The following RAD23B variants were observed in gnomAD, a reference collection of about 807,000 sequenced individuals.
The protein encoded by RAD23B is lysine-specific demethylase RAD23B.
In RAD23B, 5 loss-of-function variants were observed where a neutral mutation model predicts 49.1. The ratio of observed to expected loss-of-function variants is 0.10; its 90% CI spans 0.05 to 0.21. RAD23B has a LOEUF of 0.21. Ranked by LOEUF, RAD23B falls within the 10% of genes least tolerant of loss-of-function variation. The probability of loss-of-function intolerance (pLI) is 1.00; values close to 1 mark genes in which losing one functional copy is unlikely to be tolerated. For synonymous variants in RAD23B, 184 were observed against 165.4 expected (o/e 1.11, Z -0.86); for missense variants, 356 against 486.7 (o/e 0.73, Z 2.53).
rs1428115561 is a variant in RAD23B at position 107,329,713 on chromosome 9, T to C, written c.*57T>C. On this transcript the variant is annotated 3_prime_UTR_variant, in exon 10 of 10. Coordinates refer to ENST00000358015, the MANE Select transcript of RAD23B (RefSeq NM_002874.5). ...CAGTGCATTACACTAACTTGTTCAC[T>C]GGATTGTCTGGGATGACTTGGGCTC... The C allele has an allele frequency of 8.6e-7, 1 of 1,156,656 alleles. No homozygotes were observed. The highest frequency in any genetic ancestry group is 1.3e-5 in the South Asian group (1 of 78,756). The allele number at this position is 1,156,656 out of a possible 1,614,324, so 71.6% of individuals were successfully genotyped here. A position where few individuals can be genotyped will look rare whatever the true frequency, so the allele number is the denominator to read the frequency against.
rs185997186 is a variant in RAD23B at position 107,312,983 on chromosome 9, C to T, written c.553+1246C>T. Among the ~76,000 whole-genome samples the T allele has an allele frequency of 1.6e-3, 237 of 152,294 alleles. 2 individuals are homozygous for T. Among genetic ancestry groups the T allele is most frequent in the African/African-American group, 5.6e-3 (231 of 41,572 alleles). On this transcript the variant is annotated intron_variant, in intron 5 of 9. Coordinates refer to ENST00000358015, the MANE Select transcript of RAD23B (RefSeq NM_002874.5). ...GTCTTCCCATTCTCAGCTTTATGGT[C>T]TCGGGATCCCTCTACATTTTCATCT...
chr9:107,306,509 C>T lies in RAD23B; in HGVS notation c.359C>T (p.Thr120Ile). 1 of 1,614,178 alleles carries T rather than the reference C, an allele frequency of 6.2e-7. No individual in the cohort carries two copies. Among genetic ancestry groups the T allele is most frequent in the Non-Finnish European group, 8.5e-7 (1 of 1,180,032 alleles). The stretch of plus-strand genomic sequence containing the variant: ...ACCCCTGTCCCTGCCTTGGCCCCCA[C>T]TTCCACACCTGCATCCATCACTCCA... Reference protein sequence around the residue: ...APTPVPALAPTSTPASITPAS... With the variant: ...APTPVPALAPISTPASITPAS... Residue 120 changes from threonine (T) to isoleucine (I), a missense_variant, in exon 4 of 10, where the codon ACT (threonine) becomes ATT (isoleucine). By Grantham distance (89) the Thr-to-Ile change is moderately conservative (BLOSUM62 -1). Around this residue, in one of 5 missense-constraint regions of RAD23B, gnomAD observed 137 missense variants for 122.0 expected, o/e 1.12. Transcript: ENST00000358015.
At chr9:107,304,871 A>G (rs745628357) in intron 3 of RAD23B, among the ~76,000 whole-genome samples, 11 of 152,170 alleles carry the variant, frequency 7.2e-5, no homozygotes, top group South Asian at 2.1e-4. Context: ...GACTTGCCCA[A>G]AACTTACCTA....
rs556863451 is a variant in RAD23B, at chr9:107,305,524, C to T, written c.229-855C>T. On this transcript the variant is annotated intron_variant, in intron 3 of 9. Transcript: ENST00000358015. ...GAAAAAAATTATCATGTAAGTGGAC[C>T]CAGTGCAGTTCAAACCCTTGTTGTT... Among the ~76,000 whole-genome samples the T allele has an allele frequency of 8.7e-4, 132 of 152,096 alleles. 3 individuals are homozygous for T. In the South Asian group the frequency reaches 0.025, roughly 29 times the overall value.
chr9:107,332,142 T>C lies in RAD23B; in HGVS notation c.*2486T>C, dbSNP rs73517777. The stretch of plus-strand genomic sequence containing the variant: ...GTTCCAATATAATTTTTTCCTGTAC[T>C]GGATGGCTAGGATTCTAGAGAATTG... On this transcript the variant is annotated 3_prime_UTR_variant, in exon 10 of 10. Transcript: ENST00000358015. 2,706 of 180,840 alleles carry C rather than the reference T, an allele frequency of 0.015. 64 individuals are homozygous for C. Among genetic ancestry groups the C allele is most frequent in the African/African-American group, 0.059 (2,508 of 42,868 alleles). 11.2% of individuals were successfully genotyped at this position (180,840 alleles called of 1,614,324 possible).
chr9:107,328,876 T>C (rs1321541778), intron 9 of RAD23B, among the ~76,000 whole-genome samples: 1 of 152,202 alleles, frequency 6.6e-6, no homozygotes, highest in Non-Finnish European at 1.5e-5. Context: ...TTTAATATAA[T>C]AGACTAGGAA....
intron 1 of RAD23B, among the ~76,000 whole-genome samples, chr9:107,284,499 A>T (rs12001235): frequency 2.0e-5 from 3 of 152,080 alleles, no homozygotes; most frequent in Non-Finnish European, 4.4e-5. Flanking sequence ...GAAAAAAAAA[A>T]CAAAAAACAA....
chr9:107,302,990 G>A (rs1233303889), intron 3 of RAD23B, among the ~76,000 whole-genome samples: 1 of 152,140 alleles, frequency 6.6e-6, no homozygotes, highest in East Asian at 1.9e-4. Flanking sequence ...TTGTGATTTA[G>A]TAGGCTGGAA....
chr9:107,319,128 CTTTTTTTTTT>C (rs56891354), intron 6 of RAD23B, among the ~76,000 whole-genome samples: 3 of 97,790 alleles, frequency 3.1e-5, no homozygotes, highest in Admixed American at 1.3e-4. Context: ...TTTCTTTTTT[CTTTTTTTTTT>C]TTTTTTTTTT....
chr9:107,314,670 C>T (rs906627921), intron 5 of RAD23B, among the ~76,000 whole-genome samples: 1 of 151,982 alleles, frequency 6.6e-6, no homozygotes, highest in Non-Finnish European at 1.5e-5. Context: ...GATTTATTTC[C>T]CTTTGGGTAT....
chr9:107,285,436 T>G (rs1833256644), intron 1 of RAD23B, among the ~76,000 whole-genome samples: 1 of 152,228 alleles, frequency 6.6e-6, no homozygotes, highest in South Asian at 2.1e-4. Context: ...AAAGAAATAT[T>G]GTGGCTTTTT....
At chr9:107,311,294 G>T (rs1422008776) in intron 4 of RAD23B, among the ~76,000 whole-genome samples, 1 of 151,982 alleles carries the variant, frequency 6.6e-6, no homozygotes, top group East Asian at 1.9e-4. Flanking sequence ...GTGCTATTTT[G>T]TATACTGCTT....
intron 2 of RAD23B, 135 bp downstream of exon 2, chr9:107,300,357 C>T (rs1312301964): frequency 9.8e-7 from 1 of 1,021,928 alleles, no homozygotes; most frequent in Non-Finnish European, 1.3e-6. Flanking sequence ...AAAGAGCAGT[C>T]ATTTGAATCT....
chr9:107,307,933 A>T (rs1339767444), intron 4 of RAD23B, among the ~76,000 whole-genome samples: 1 of 152,184 alleles, frequency 6.6e-6, no homozygotes, highest in African/African-American at 2.4e-5. Flanking sequence ...CAACCATCTT[A>T]TCCTAGTGGA....
intron 1 of RAD23B, among the ~76,000 whole-genome samples, chr9:107,297,041 A>G (rs760672746): frequency 1.9e-4 from 28 of 151,266 alleles, no homozygotes; most frequent in Admixed American, 7.2e-4. Flanking sequence ...TTCAGTAGAG[A>G]CGGGGTTTCA....
At chr9:107,290,105 C>T (rs1407075223) in intron 1 of RAD23B, among the ~76,000 whole-genome samples, 1 of 152,178 alleles carries the variant, frequency 6.6e-6, no homozygotes, top group East Asian at 1.9e-4. Context: ...TATCATCTAG[C>T]CTGCTTATTT....
chr9:107,299,216 G>A (rs1255371457), intron 1 of RAD23B, among the ~76,000 whole-genome samples: 3 of 152,042 alleles, frequency 2.0e-5, no homozygotes, highest in Non-Finnish European at 2.9e-5. Flanking sequence ...ACCTTTATTT[G>A]TATCCCTTTC....
chr9:107,325,972 CTTTA>C lies in RAD23B; in HGVS notation c.1116+971_1116+974del, dbSNP rs371608178. Among the ~76,000 whole-genome samples, 838 of 151,944 alleles carry C rather than the reference CTTTA, an allele frequency of 5.5e-3. 6 individuals are homozygous for C. Among genetic ancestry groups the C allele is most frequent in the African/African-American group, 0.02 (812 of 41,474 alleles). On this transcript the variant is annotated intron_variant, in intron 9 of 9. Transcript: ENST00000358015. ...GGATTTTGTCAAATTTTTTTTCTTTCTTTATTAAGATGATCATGTGATTTTTGTC... is the reference window on the plus strand; with the variant it reads ...GGATTTTGTCAAATTTTTTTTCTTTCTTAAGATGATCATGTGATTTTTGTC...
chr9:107,296,701 ATTT>A (rs1270152813), intron 1 of RAD23B, among the ~76,000 whole-genome samples: 4 of 150,584 alleles, frequency 2.7e-5, no homozygotes, highest in Admixed American at 6.6e-5. Context: ...TGCCCAGTTA[ATTT>A]TTGTATTTTT....
Sources: allele counts gnomAD v4.1 joint callset (sites outside exome capture counted in the v4.1 genomes callset), GRCh38; gene constraint gnomAD v4.1.1; regional missense constraint gnomAD v4.1.1; transcripts MANE v1.5; gene names NCBI Gene and HGNC (gene_info 2026-07-23, HGNC 2026-07-21).